STMN3: variants seen among roughly 807,000 people sequenced by gnomAD.
STMN3 encodes stathmin-3.
In STMN3, 24 loss-of-function variants were observed where a neutral mutation model predicts 23.2. The ratio of observed to expected loss-of-function variants is 1.03; its 90% CI spans 0.75 to 1.45. STMN3 has a LOEUF of 1.45. Among genes scored for constraint, STMN3 ranks in the 40% most tolerant of loss-of-function variants. The probability of loss-of-function intolerance (pLI) is 0.00; values close to 1 mark genes in which losing one functional copy is unlikely to be tolerated. For synonymous variants in STMN3, 117 were observed against 103.4 expected (o/e 1.13, Z -0.80); for missense variants, 235 against 237.6 (o/e 0.99, Z 0.07).
At position 63,641,444 on chromosome 20, in the gene STMN3, G is replaced by A. The variant is rs778353939; in HGVS notation, c.484-47C>T. 5.3e-6 allele frequency: 8 copies of A among 1,495,512 alleles called. 1 individual carries two copies. In the South Asian group the frequency reaches 6.0e-5, roughly 11 times the overall value. The allele number at this position is 1,495,512 out of a possible 1,614,324, so 92.6% of individuals were successfully genotyped here. On this transcript the variant is annotated intron_variant, in intron 4 of 4. Coordinates refer to ENST00000370053, the MANE Select transcript of STMN3 (RefSeq NM_015894.4). ...GGCCTGAGGGCGGGGGTGGCTTGGGGCGACTCCGGGAACCCCCAGGCGCGC... is the reference window on the plus strand; with the variant it reads ...GGCCTGAGGGCGGGGGTGGCTTGGGACGACTCCGGGAACCCCCAGGCGCGC...
chr20:63,642,232 T>C lies in STMN3; in HGVS notation c.359A>G (p.Lys120Arg). Residue 120 changes from lysine (K) to arginine (R), a missense_variant, in exon 4 of 5, where the codon AAG (lysine) becomes AGG (arginine). Lys to Arg is a conservative substitution (Grantham distance 26, BLOSUM62 2). Coordinates refer to ENST00000370053, the MANE Select transcript of STMN3 (RefSeq NM_015894.4). ...RREHEREVLHKALEENNNFSR... is the reference protein window; with the variant it reads ...RREHEREVLHRALEENNNFSR... ...GAAGTTGTTATTCTCCTCCAGCGCC[T>C]TGTGCAGCACCTCGCGCTCGTGCTC... The C allele has an allele frequency of 1.3e-6, 2 of 1,561,550 alleles. No homozygotes were observed. Among genetic ancestry groups the C allele is most frequent in the South Asian group, 1.2e-5 (1 of 86,378 alleles).
In STMN3 at chr20:63,652,831, C is replaced by T. The variant is rs1030314153; in HGVS notation, c.19+496G>A. 50 of 973,384 alleles carry T rather than the reference C, an allele frequency of 5.1e-5. No homozygotes were observed. Among genetic ancestry groups the T allele is most frequent in the Non-Finnish European group, 5.9e-5 (48 of 818,980 alleles). 60.3% of individuals were successfully genotyped at this position (973,384 alleles called of 1,614,324 possible). A position where few individuals can be genotyped will look rare whatever the true frequency, so the allele number is the denominator to read the frequency against. ...TGTCTGGCCCGCCCCCCTCCTTCAG[C>T]GCCCCCTCCAGCCCCTGTGCTGCAC... On this transcript the variant is annotated intron_variant, in intron 1 of 4. Transcript: ENST00000370053. This position sits in a 1 kb window ranked among gnomAD's most constrained non-coding sequence, Gnocchi z 5.3.
chr20:63,645,426 C>T (rs2089801706), intron 1 of STMN3, among the ~76,000 whole-genome samples: 1 of 152,170 alleles, frequency 6.6e-6, no homozygotes, highest in Non-Finnish European at 1.5e-5. Context: ...GCTGTCCGTT[C>T]AGCACCACAG....
rs2146125239 is a variant in STMN3 at position 63,652,770 on chromosome 20, G to A, written c.19+557C>T. The A allele has an allele frequency of 5.1e-6, 5 of 986,040 alleles. No homozygotes were observed. Among genetic ancestry groups the A allele is most frequent in the African/African-American group, 1.7e-5 (1 of 57,346 alleles). 61.1% of individuals were successfully genotyped at this position (986,040 alleles called of 1,614,324 possible). On this transcript the variant is annotated intron_variant, in intron 1 of 4. Coordinates refer to ENST00000370053, the MANE Select transcript of STMN3 (RefSeq NM_015894.4). This position sits in a 1 kb window ranked among gnomAD's most constrained non-coding sequence, Gnocchi z 5.3. The stretch of plus-strand genomic sequence containing the variant: ...GTCCCCGAGGCCGCAGCGGTGTGGG[G>A]GGAGGGCGCGGTCCCCCTCACTCCG...
At position 63,647,979 on chromosome 20, in the gene STMN3, T is replaced by C. The variant is rs1379251724; in HGVS notation, c.20-3670A>G. 9.0e-4 allele frequency among the ~76,000 whole-genome samples: 70 copies of C among 77,368 alleles called. 8 individuals carry two copies. Among genetic ancestry groups the C allele is most frequent in the South Asian group, 5.3e-3 (15 of 2,830 alleles). The allele number at this position is 77,368 out of a possible 152,430, so 50.8% of individuals were successfully genotyped here. On this transcript the variant is annotated intron_variant, in intron 1 of 4. Coordinates refer to ENST00000370053, the MANE Select transcript of STMN3 (RefSeq NM_015894.4). The stretch of plus-strand genomic sequence containing the variant: ...ATATATGTATATATATATATATATA[T>C]ACATATATATATACAGAGAGAGAGA...
intron 1 of STMN3, among the ~76,000 whole-genome samples, chr20:63,653,122 C>T (rs563006499): frequency 4.2e-4 from 63 of 151,466 alleles, no homozygotes; most frequent in Admixed American, 8.5e-4. Flanking sequence ...GAGCGCTCCC[C>T]GGCGCGGCGC....
At chr20:63,645,520 C>T (rs778378479) in intron 1 of STMN3, among the ~76,000 whole-genome samples, 29 of 152,230 alleles carry the variant, frequency 1.9e-4, no homozygotes, top group Non-Finnish European at 3.2e-4. Flanking sequence ...GCAAGCCGGG[C>T]TCCTGTGGCC....
At chr20:63,645,709 T>G (rs6062473) in intron 1 of STMN3, among the ~76,000 whole-genome samples, 42,240 of 152,178 alleles carry the variant, frequency 0.28, 6,763 homozygotes, top group African/African-American at 0.43. Context: ...TCCCAGCACT[T>G]TGGGAGGCCA....
At chr20:63,649,853 G>A (rs1231669002) in intron 1 of STMN3, among the ~76,000 whole-genome samples, 30 of 143,900 alleles carry the variant, frequency 2.1e-4, no homozygotes, top group African/African-American at 7.6e-4. Context: ...TTAAGACGGG[G>A]TCTCACTCTG....
In STMN3 at chr20:63,642,150, G is replaced by T. The variant is rs751911385; in HGVS notation, c.441C>A (p.Arg147=). The T allele has an allele frequency of 6.7e-7, 1 of 1,502,326 alleles. No individual in the cohort carries two copies. The highest frequency in any genetic ancestry group is 2.8e-5 in the East Asian group (1 of 35,560). The allele number at this position is 1,502,326 out of a possible 1,614,324, so 93.1% of individuals were successfully genotyped here. A position where few individuals can be genotyped will look rare whatever the true frequency, so the allele number is the denominator to read the frequency against. Residue 147 remains arginine, a synonymous_variant, in exon 4 of 5, where the codon CGC becomes CGA. Transcript: ENST00000370053. ...CGCGCAGTGCGGCCAGGTGTGCCTC[G>T]CGGATCTCCTTGCTGAGCTCCATCT... The part of the protein sequence containing the change: ...NYKMELSKEI[R]EAHLAALRER...
At position 63,652,437 on chromosome 20, in the gene STMN3, G is replaced by C. The variant is rs924661717; in HGVS notation, c.19+890C>G. On this transcript the variant is annotated intron_variant, in intron 1 of 4. Coordinates refer to ENST00000370053, the MANE Select transcript of STMN3 (RefSeq NM_015894.4). This position sits in a 1 kb window ranked among gnomAD's most constrained non-coding sequence, Gnocchi z 5.3. ...GGCGGAGCAGAGCGTTTCGGGAAGG[G>C]CGGGCCCAGCGTCCTCGCGCCCGAG... 2 of 393,412 alleles carry C rather than the reference G, an allele frequency of 5.1e-6. No homozygotes were observed. The highest frequency in any genetic ancestry group is 4.4e-5 in the African/African-American group (2 of 45,884). The allele number at this position is 393,412 out of a possible 1,614,324, so 24.4% of individuals were successfully genotyped here.
chr20:63,643,322 C>T (rs1358855746), intron 3 of STMN3, among the ~76,000 whole-genome samples: 1 of 152,158 alleles, frequency 6.6e-6, no homozygotes, highest in Non-Finnish European at 1.5e-5. Flanking sequence ...CCCTGTCGCC[C>T]GGGCTGAGGA....
rs942937413 is a variant in STMN3, at chr20:63,641,324, C to T, written c.*14G>A. On this transcript the variant is annotated 3_prime_UTR_variant, in exon 5 of 5. Transcript: ENST00000370053. ...GTGTTCTGTCGCAGGATGGGCGCCG[C>T]CCGTCCCGGGCCCTTAGCCCGACAT... The T allele has an allele frequency of 1.2e-5, 18 of 1,560,444 alleles. No individual in the cohort carries two copies. The highest frequency in any genetic ancestry group is 1.6e-5 in the Non-Finnish European group (18 of 1,153,116).
At position 63,647,991 on chromosome 20, in the gene STMN3, T is replaced by TATATATACACAC. The variant is rs1288050001; in HGVS notation, c.20-3683_20-3682insGTGTGTATATAT. ...ATATATATATATATACATATATATA[T>TATATATACACAC]ACAGAGAGAGAGAGAGTAGTGATAG... On this transcript the variant is annotated intron_variant, in intron 1 of 4. Transcript: ENST00000370053. 8.0e-4 allele frequency among the ~76,000 whole-genome samples: 61 copies of TATATATACACAC among 75,890 alleles called. 1 individual carries two copies. The highest frequency in any genetic ancestry group is 2.1e-3 in the African/African-American group (44 of 20,630). The allele number at this position is 75,890 out of a possible 152,430, so 49.8% of individuals were successfully genotyped here.
At chr20:63,649,835 T>C (rs1239481842) in intron 1 of STMN3, among the ~76,000 whole-genome samples, 1 of 141,972 alleles carries the variant, frequency 7.0e-6, no homozygotes, top group Non-Finnish European at 1.5e-5. Flanking sequence ...TGGACTTTTT[T>C]TTTTTTTTTA....
chr20:63,653,372 A>G lies in STMN3; in HGVS notation c.-27T>C. On this transcript the variant is annotated 5_prime_UTR_variant, in exon 1 of 5. Coordinates refer to ENST00000370053, the MANE Select transcript of STMN3 (RefSeq NM_015894.4). ...GTGCTGGCGGCGGTTGGGCCTGCGG[A>G]GGCTGGAGAGGCGCAAGTGGCGGCC... 1 of 1,455,736 alleles carries G rather than the reference A, an allele frequency of 6.9e-7. No individual in the cohort carries two copies. Among genetic ancestry groups the G allele is most frequent in the Non-Finnish European group, 9.2e-7 (1 of 1,092,388 alleles). 90.2% of individuals were successfully genotyped at this position (1,455,736 alleles called of 1,614,324 possible). A position where few individuals can be genotyped will look rare whatever the true frequency, so the allele number is the denominator to read the frequency against.
At chr20:63,645,511 C>G (rs1360343278) in intron 1 of STMN3, among the ~76,000 whole-genome samples, 1 of 152,206 alleles carries the variant, frequency 6.6e-6, no homozygotes, top group Non-Finnish European at 1.5e-5. Context: ...AAACCAGAAG[C>G]AAGCCGGGCT....
At chr20:63,643,395 C>T (rs930560803) in intron 3 of STMN3, among the ~76,000 whole-genome samples, 6 of 152,206 alleles carry the variant, frequency 3.9e-5, no homozygotes, top group African/African-American at 1.2e-4. Flanking sequence ...AATTCCCCTG[C>T]CTCAGACTCC....
rs1275723435 is a variant in STMN3 at position 63,640,891 on chromosome 20, C to T, written c.*447G>A. The T allele has an allele frequency of 3.8e-6, 1 of 262,354 alleles. No homozygotes were observed. The highest frequency in any genetic ancestry group is 7.5e-6 in the Non-Finnish European group (1 of 132,596). 16.3% of individuals were successfully genotyped at this position (262,354 alleles called of 1,614,324 possible). A position where few individuals can be genotyped will look rare whatever the true frequency, so the allele number is the denominator to read the frequency against. On this transcript the variant is annotated 3_prime_UTR_variant, in exon 5 of 5. Coordinates refer to ENST00000370053, the MANE Select transcript of STMN3 (RefSeq NM_015894.4). ...CACCCCCCTCCCCCGTCGCCCCTCC[C>T]TCATGGGGAGCCCCTTCCCCCTGGA...
Sources: gnomAD v4.1 joint callset for allele counts (sites outside exome capture counted in the v4.1 genomes callset) on GRCh38, gnomAD v4.1.1 for gene constraint, Gnocchi (gnomAD v3.1) non-coding constraint, MANE v1.5 for transcripts, NCBI Gene and HGNC (gene_info 2026-07-23, HGNC 2026-07-21) for gene names.